NLK: variants seen among roughly 807,000 people sequenced by gnomAD.
NLK encodes serine/threonine-protein kinase NLK.
Under a neutral mutation model 59.0 loss-of-function variants are expected in NLK, and 11 were observed. That is an observed-to-expected ratio of 0.19 (90% CI 0.12 to 0.31). The LOEUF is 0.31. Ranked by LOEUF, NLK falls within the 10% of genes least tolerant of loss-of-function variation. The pLI, the probability that NLK is intolerant of heterozygous loss-of-function variation, is 1.00. For missense variants in NLK, 410 were observed against 661.1 expected (o/e 0.62, Z 4.16); for synonymous variants, 235 against 235.9 (o/e 1.00, Z 0.03).
rs111739556 is a variant in NLK, at chr17:28,121,290, C to T, written c.459-1313C>T. On this transcript the variant is annotated intron_variant, in intron 1 of 10. Coordinates refer to ENST00000407008, the MANE Select transcript of NLK (RefSeq NM_016231.5). ...TTGGATGATCAGAACAGGGGCTGAA[C>T]GATAATAGCTGAGAATGTTAGGCAG... Among the ~76,000 whole-genome samples the T allele has an allele frequency of 6.0e-5, 9 of 149,844 alleles. 1 individual carries two copies. Among genetic ancestry groups the T allele is most frequent in the South Asian group, 4.2e-4 (2 of 4,774 alleles).
intron 1 of NLK, among the ~76,000 whole-genome samples, chr17:28,052,119 A>G (rs1909278154): frequency 1.3e-5 from 2 of 152,104 alleles, no homozygotes; most frequent in Non-Finnish European, 2.9e-5. Context: ...CAAATGAGCA[A>G]TTTCTTCTAC....
rs769633651 is a variant in NLK at position 28,043,074 on chromosome 17, C to A, written c.201C>A (p.His67Gln). 6.4e-7 allele frequency: 1 copy of A among 1,569,284 alleles called. No homozygotes were observed. The highest frequency in any genetic ancestry group is 2.4e-5 in the East Asian group (1 of 42,216). Residue 67 changes from histidine to glutamine, a missense_variant, in exon 1 of 11, where the codon CAC (histidine) becomes CAA (glutamine). His to Gln is a conservative substitution (Grantham distance 24). This residue lies in a region of NLK where 160 missense variants were observed against 171.0 expected (regional missense o/e 0.94). Coordinates refer to ENST00000407008, the MANE Select transcript of NLK (RefSeq NM_016231.5). ...SAAAVHPVQQ[H>Q]TSSAAAAAAA... ...CCGCTGTACACCCTGTACAGCAGCACACCTCTTCGGCAGCTGCGGCAGCCG... is the reference window on the plus strand; with the variant it reads ...CCGCTGTACACCCTGTACAGCAGCAAACCTCTTCGGCAGCTGCGGCAGCCG...
chr17:28,094,040 ATTTT>A (rs1904608969), intron 1 of NLK, among the ~76,000 whole-genome samples: 1 of 152,192 alleles, frequency 6.6e-6, no homozygotes, highest in Non-Finnish European at 1.5e-5. Context: ...AAGCTGTAAC[ATTTT>A]TACTAGAATA....
chr17:28,085,833 C>T (rs1335059323), intron 1 of NLK, among the ~76,000 whole-genome samples: 1 of 152,120 alleles, frequency 6.6e-6, no homozygotes, highest in Admixed American at 6.6e-5. Context: ...TACATTTTGG[C>T]TGTTTAGATC....
intron 6 of NLK, among the ~76,000 whole-genome samples, chr17:28,171,888 C>T (rs2142057243): frequency 1.3e-5 from 2 of 152,142 alleles, no homozygotes; most frequent in South Asian, 4.1e-4. Flanking sequence ...CTTATCAAAA[C>T]ATATTTTCTA....
chr17:28,079,999 T>C (rs925171433), intron 1 of NLK, among the ~76,000 whole-genome samples: 1 of 152,194 alleles, frequency 6.6e-6, no homozygotes, highest in Non-Finnish European at 1.5e-5. Context: ...GTATGTGATA[T>C]AAGCTAAGGA....
intron 1 of NLK, among the ~76,000 whole-genome samples, chr17:28,061,373 G>C (rs1306622287): frequency 6.6e-6 from 1 of 152,172 alleles, no homozygotes; most frequent in Non-Finnish European, 1.5e-5. Context: ...AGTTATGTAT[G>C]ATTCAACAGT....
chr17:28,116,584 AAC>A (rs2142811246), intron 1 of NLK, among the ~76,000 whole-genome samples: 1 of 152,360 alleles, frequency 6.6e-6, no homozygotes, highest in Admixed American at 6.5e-5. Flanking sequence ...GACAATTCAG[AAC>A]AAAGTTTTCT....
At chr17:28,123,855 T>C (rs1320333348) in intron 2 of NLK, among the ~76,000 whole-genome samples, 3 of 152,222 alleles carry the variant, frequency 2.0e-5, no homozygotes, top group Admixed American at 6.5e-5. Flanking sequence ...TTCATTTTCA[T>C]GTGAAAAGAA....
chr17:28,133,872 T>A (rs1184564342), intron 3 of NLK, among the ~76,000 whole-genome samples: 1 of 152,144 alleles, frequency 6.6e-6, no homozygotes, highest in African/African-American at 2.4e-5. Context: ...ATGAGATTGT[T>A]ATCTTTGATA....
intron 3 of NLK, among the ~76,000 whole-genome samples, chr17:28,155,323 C>G (rs1213914332): frequency 6.6e-6 from 1 of 152,154 alleles, no homozygotes; most frequent in Non-Finnish European, 1.5e-5. Context: ...CGCTTTTACA[C>G]TGCTGGTGGG....
At chr17:28,110,205 A>T (rs1597686085) in intron 1 of NLK, among the ~76,000 whole-genome samples, 3 of 152,070 alleles carry the variant, frequency 2.0e-5, no homozygotes, top group Admixed American at 2.0e-4. Context: ...TCATCTTTAG[A>T]TTATTTATTG....
At position 28,122,549 on chromosome 17, in the gene NLK, T is replaced by C. The variant is rs1472965417; in HGVS notation, c.459-54T>C. The stretch of plus-strand genomic sequence containing the variant: ...ATCTGAAACATTGGAAAACAAGGTG[T>C]GGAACTGATTTCTCTGTCTTTTTTT... On this transcript the variant is annotated intron_variant, in intron 1 of 10. Coordinates refer to ENST00000407008, the MANE Select transcript of NLK (RefSeq NM_016231.5). The C allele has an allele frequency of 2.0e-5, 32 of 1,593,176 alleles. No individual in the cohort carries two copies. In the Admixed American group the frequency reaches 2.9e-4, roughly 14 times the overall value.
the NLK span, among the ~76,000 whole-genome samples, chr17:28,202,717 C>T: frequency 6.8e-6 from 1 of 147,238 alleles, no homozygotes; most frequent in South Asian, 2.1e-4. Flanking sequence ...CAGGCGCGCA[C>T]TGTCACCCAG....
At chr17:28,149,106 A>G (rs1567728295) in intron 3 of NLK, among the ~76,000 whole-genome samples, 1 of 152,202 alleles carries the variant, frequency 6.6e-6, no homozygotes, top group Non-Finnish European at 1.5e-5. Context: ...TCTGTCGCCA[A>G]CGCTGGAGTG....
At chr17:28,127,772 A>G (rs1190249391) in intron 2 of NLK, among the ~76,000 whole-genome samples, 2 of 152,224 alleles carry the variant, frequency 1.3e-5, no homozygotes, top group Non-Finnish European at 2.9e-5. Context: ...CAAAAGATAC[A>G]AAATAGCCCA....
At chr17:28,113,951 CT>C (rs1043574179) in intron 1 of NLK, among the ~76,000 whole-genome samples, 5 of 151,062 alleles carry the variant, frequency 3.3e-5, no homozygotes, top group Admixed American at 2.0e-4. Context: ...TTAACTTTGC[CT>C]TTTTTTTTAA....
At chr17:28,176,924 C>T (rs946044745) in intron 7 of NLK, among the ~76,000 whole-genome samples, 2 of 152,130 alleles carry the variant, frequency 1.3e-5, no homozygotes, top group Non-Finnish European at 2.9e-5. Context: ...ACTCCACCCC[C>T]CTAACCCCCT....
intron 1 of NLK, among the ~76,000 whole-genome samples, chr17:28,120,777 C>CT (rs1906013089): frequency 6.6e-6 from 1 of 152,086 alleles, no homozygotes. Flanking sequence ...TTCATGAGCA[C>CT]TTAGAAAAGG....
Sources: gnomAD v4.1 joint callset for allele counts (sites outside exome capture counted in the v4.1 genomes callset) on GRCh38, gnomAD v4.1.1 for gene constraint, gnomAD v4.1.1 regional missense constraint, MANE v1.5 for transcripts, NCBI Gene and HGNC (gene_info 2026-07-23, HGNC 2026-07-21) for gene names.